TMPRSS11A: variants seen among roughly 807,000 people sequenced by gnomAD.
TMPRSS11A encodes transmembrane protease serine 11A.
Under a neutral mutation model 58.9 loss-of-function variants are expected in TMPRSS11A, and 53 were observed. The ratio of observed to expected loss-of-function variants is 0.90; its 90% CI spans 0.72 to 1.13. The LOEUF (loss-of-function observed/expected upper bound fraction) is 1.13. Among genes scored for constraint, TMPRSS11A ranks in the 50% most tolerant of loss-of-function variants. The probability of loss-of-function intolerance (pLI) is 0.00; values close to 1 mark genes in which losing one functional copy is unlikely to be tolerated. For missense variants in TMPRSS11A, 493 were observed against 499.3 expected (o/e 0.99, Z 0.12); for synonymous variants, 167 against 169.8 (o/e 0.98, Z 0.13).
At chr4:67,943,510 G>T (rs142312239) in intron 3 of TMPRSS11A, among the ~76,000 whole-genome samples, 23 of 152,158 alleles carry the variant, frequency 1.5e-4, no homozygotes, top group African/African-American at 5.5e-4. Flanking sequence ...AAGGTATTTG[G>T]GTGTATTGGT....
At chr4:67,935,658 T>G (rs1312513637) in intron 3 of TMPRSS11A, among the ~76,000 whole-genome samples, 1 of 152,186 alleles carries the variant, frequency 6.6e-6, no homozygotes, top group Non-Finnish European at 1.5e-5. Flanking sequence ...GCTGTTGGTA[T>G]GTAGTATATT....
chr4:67,915,243 C>G (rs1648352329), intron 8 of TMPRSS11A, among the ~76,000 whole-genome samples: 1 of 152,060 alleles, frequency 6.6e-6, no homozygotes, highest in Admixed American at 6.6e-5. Flanking sequence ...GCAATGATTT[C>G]ACTTCCAATG....
At chr4:67,934,381 G>A (rs1720701281) in intron 3 of TMPRSS11A, among the ~76,000 whole-genome samples, 3 of 152,132 alleles carry the variant, frequency 2.0e-5, no homozygotes, top group African/African-American at 7.2e-5. Flanking sequence ...GGCAGATGAT[G>A]GCTTTCATTA....
intron 6 of TMPRSS11A, among the ~76,000 whole-genome samples, chr4:67,923,672 A>G (rs1347232403): frequency 3.9e-5 from 6 of 152,020 alleles, no homozygotes; most frequent in Non-Finnish European, 5.9e-5. Flanking sequence ...GCACCTGGCT[A>G]ATTTTTGTAT....
chr4:67,916,160 G>A (rs1040702273), intron 8 of TMPRSS11A, among the ~76,000 whole-genome samples: 4 of 151,988 alleles, frequency 2.6e-5, no homozygotes, highest in Non-Finnish European at 5.9e-5. Flanking sequence ...TGATAATTAT[G>A]TAAAATAAGA....
intron 5 of TMPRSS11A, among the ~76,000 whole-genome samples, chr4:67,927,086 C>A (rs920155749): frequency 6.6e-6 from 1 of 152,142 alleles, no homozygotes; most frequent in Non-Finnish European, 1.5e-5. Flanking sequence ...GCTCAGTAAA[C>A]CTTTCTTCGT....
rs951651677 is a variant in TMPRSS11A, at chr4:67,910,496, C to A, written c.*846G>T. On this transcript the variant is annotated 3_prime_UTR_variant, in exon 10 of 10. Coordinates refer to ENST00000508048, the MANE Select transcript of TMPRSS11A (RefSeq NM_001114387.2). ...TACAATAATAATGCACAAAATTTCC[C>A]CCTTGTGGTCAAAATATGTAAGTGC... is the stretch of plus-strand genomic sequence containing the variant. The A allele has an allele frequency of 1.2e-4, 18 of 151,884 alleles. No homozygotes were observed. Among genetic ancestry groups the A allele is most frequent in the African/African-American group, 4.4e-4 (18 of 41,350 alleles). The allele number at this position is 151,884 out of a possible 1,614,324, so 9.4% of individuals were successfully genotyped here.
chr4:67,919,667 C>T (rs2109737842), intron 7 of TMPRSS11A, among the ~76,000 whole-genome samples: 1 of 152,214 alleles, frequency 6.6e-6, no homozygotes, highest in East Asian at 1.9e-4. Flanking sequence ...TTGATAAAGG[C>T]TATGAACAAA....
rs552222740 is a variant in TMPRSS11A, at chr4:67,919,426, G to T, written c.693-194C>A. 1.8e-3 allele frequency among the ~76,000 whole-genome samples: 269 copies of T among 152,126 alleles called. 1 individual carries two copies. The highest frequency in any genetic ancestry group is 6.3e-3 in the African/African-American group (261 of 41,508). The stretch of plus-strand genomic sequence containing the variant: ...ATAAAATCATATAAATGCCATATTA[G>T]AACTGATATTTAATACAAAACTATT... On this transcript the variant is annotated intron_variant, in intron 7 of 9. Coordinates refer to ENST00000508048, the MANE Select transcript of TMPRSS11A (RefSeq NM_001114387.2).
At chr4:67,922,700 C>G in intron 7 of TMPRSS11A, 55 bp downstream of exon 7, 1 of 1,535,144 alleles carries the variant, frequency 6.5e-7, no homozygotes. Flanking sequence ...AAGAATATGA[C>G]AAAACTCAGG....
At position 67,944,548 on chromosome 4, in the gene TMPRSS11A, T is replaced by G. The variant is rs777673530; in HGVS notation, c.223A>C (p.Lys75Gln). Residue 75 changes from lysine (K) to glutamine (Q), a missense_variant, in exon 3 of 10, where the codon AAG becomes CAG. Lys to Gln is a moderately conservative substitution (Grantham distance 53, BLOSUM62 1). Coordinates refer to ENST00000508048, the MANE Select transcript of TMPRSS11A (RefSeq NM_001114387.2). ...TTTTCGGTCGTCTCTCGTAAGTCCT[T>G]AAGTTGATATGTGTTGCTTTGTCCG... The part of the protein sequence containing the change: ...NFGQSNTYQL[K>Q]DLRETTENLV... The G allele has an allele frequency of 2.5e-6, 4 of 1,612,816 alleles. No individual in the cohort carries two copies. In the South Asian group the frequency reaches 3.3e-5, roughly 13 times the overall value.
intron 7 of TMPRSS11A, among the ~76,000 whole-genome samples, chr4:67,920,760 C>G (rs568662632): frequency 1.3e-5 from 2 of 151,832 alleles, no homozygotes; most frequent in African/African-American, 4.8e-5. Flanking sequence ...AGTTATTTTT[C>G]CTGATCCTCT....
At chr4:67,939,136 G>C (rs1489120650) in intron 3 of TMPRSS11A, among the ~76,000 whole-genome samples, 1 of 148,874 alleles carries the variant, frequency 6.7e-6, no homozygotes, top group African/African-American at 2.5e-5. Flanking sequence ...TACCTCCTTG[G>C]TTAGATGTAT....
At chr4:67,946,916 C>A (rs1418947526) in intron 1 of TMPRSS11A, among the ~76,000 whole-genome samples, 1 of 151,964 alleles carries the variant, frequency 6.6e-6, no homozygotes, top group African/African-American at 2.4e-5. Context: ...TCTGTCTATC[C>A]TTTTAGAGTT....
rs1297294797 is a variant in TMPRSS11A at position 67,963,382 on chromosome 4, C to T, written c.11+1G>A. 8.7e-6 allele frequency: 14 copies of T among 1,613,700 alleles called. No individual in the cohort carries two copies. The highest frequency in any genetic ancestry group is 1.2e-5 in the Non-Finnish European group (14 of 1,179,848). On this transcript the variant is annotated splice_donor_variant, in intron 1 of 9. Coordinates refer to ENST00000508048, the MANE Select transcript of TMPRSS11A (RefSeq NM_001114387.2). LOFTEE classifies it high-confidence loss of function. Reference sequence around the variant, plus strand: ...CATCTATAAAACAGAACTGAACTTACCGATACATCATGTACAGGAGGAAGA... The same window carrying T: ...CATCTATAAAACAGAACTGAACTTATCGATACATCATGTACAGGAGGAAGA...
intron 1 of TMPRSS11A, among the ~76,000 whole-genome samples, chr4:67,953,431 G>A (rs79038003): frequency 1.3e-5 from 2 of 152,082 alleles, no homozygotes; most frequent in African/African-American, 4.8e-5. Context: ...AAAACTACTT[G>A]TTGAATTAGA....
intron 1 of TMPRSS11A, among the ~76,000 whole-genome samples, chr4:67,959,459 A>G (rs531804607): frequency 3.9e-5 from 6 of 152,372 alleles, no homozygotes; most frequent in Non-Finnish European, 7.3e-5. Context: ...GCATCTGACA[A>G]AGGTCTAATA....
At chr4:67,929,595 G>A (rs887837626) in intron 5 of TMPRSS11A, among the ~76,000 whole-genome samples, 1 of 152,154 alleles carries the variant, frequency 6.6e-6, no homozygotes, top group African/African-American at 2.4e-5. Flanking sequence ...CTTAGTCATG[G>A]AGGCAGTGCC....
chr4:67,924,348 G>T (rs28434494), intron 5 of TMPRSS11A, among the ~76,000 whole-genome samples, 182 bp from the exon 6 acceptor site: 1 of 152,140 alleles, frequency 6.6e-6, no homozygotes, highest in Non-Finnish European at 1.5e-5. Flanking sequence ...GAGACTTATA[G>T]GCAGCCTCTA....
Sources: allele counts gnomAD v4.1 joint callset (sites outside exome capture counted in the v4.1 genomes callset), GRCh38; gene constraint gnomAD v4.1.1; transcripts MANE v1.5; gene names NCBI Gene and HGNC (gene_info 2026-07-23, HGNC 2026-07-21).